MRTFA: variants seen among roughly 807,000 people sequenced by gnomAD.
MRTFA encodes the protein myocardin related transcription factor A, also known as myocardin-related transcription factor A.
MRTFA carries 20 observed loss-of-function variants against 83.5 expected under a neutral mutation model. The observed-to-expected ratio is 0.24, with a 90% CI of 0.17 to 0.35. The LOEUF is 0.35. Among genes scored for constraint, MRTFA ranks in the 10% least tolerant of loss-of-function variants. The probability of loss-of-function intolerance (pLI) is 1.00; values close to 1 mark genes in which losing one functional copy is unlikely to be tolerated. For synonymous variants in MRTFA, 659 were observed against 541.2 expected (o/e 1.22, Z -3.02); for missense variants, 1,200 against 1,224.7 (o/e 0.98, Z 0.30).
chr22:40,485,132 C>T (rs185588544), intron 3 of MRTFA, among the ~76,000 whole-genome samples: 11 of 152,092 alleles, frequency 7.2e-5, no homozygotes, highest in Admixed American at 1.3e-4. Context: ...ATACCACATA[C>T]CTCAATTTTC....
intron 14 of MRTFA, among the ~76,000 whole-genome samples, chr22:40,413,590 C>T (rs994579464): frequency 7.3e-5 from 11 of 151,224 alleles, no homozygotes; most frequent in East Asian, 1.9e-4. Flanking sequence ...TACAGGTGCC[C>T]GCCACCATGC....
intron 2 of MRTFA, among the ~76,000 whole-genome samples, chr22:40,580,939 G>GT (rs2055938393): frequency 6.6e-6 from 1 of 151,792 alleles, no homozygotes; most frequent in South Asian, 2.1e-4. Flanking sequence ...ATCATAACAG[G>GT]TATCACATTT....
rs543707352 is a variant in MRTFA at position 40,469,658 on chromosome 22, A to T, written c.242-6372T>A. 2.0e-5 allele frequency among the ~76,000 whole-genome samples: 3 copies of T among 152,336 alleles called. No homozygotes were observed. In the East Asian group the frequency reaches 5.8e-4, roughly 29 times the overall value. On this transcript the variant is annotated intron_variant, in intron 3 of 14. Coordinates refer to ENST00000355630, the MANE Select transcript of MRTFA (RefSeq NM_020831.6). Reference sequence around the variant, plus strand: ...GAACACTCCACCTAACAATGGCAGAATATACACTCTTTTCAAGCACACATG... The same window carrying T: ...GAACACTCCACCTAACAATGGCAGATTATACACTCTTTTCAAGCACACATG...
At chr22:40,533,523 G>A (rs2055118004) in intron 3 of MRTFA, 1 of 990,036 alleles carries the variant, frequency 1.0e-6, no homozygotes, top group African/African-American at 1.7e-5. Context: ...TTTTAAAGAA[G>A]CCTGTGGCAA....
At chr22:40,516,264 C>A (rs2054756388) in intron 3 of MRTFA, among the ~76,000 whole-genome samples, 1 of 151,458 alleles carries the variant, frequency 6.6e-6, no homozygotes, top group South Asian at 2.1e-4. Context: ...ACTAAAAATA[C>A]AAAAATTAGC....
intron 3 of MRTFA, among the ~76,000 whole-genome samples, chr22:40,515,686 G>C (rs977388979): frequency 2.2e-4 from 33 of 152,116 alleles, no homozygotes; most frequent in African/African-American, 7.5e-4. Context: ...AACAGCAGCA[G>C]GTAAAGTTGA....
chr22:40,417,686 C>A (rs2052715078), intron 12 of MRTFA, 193 bp from the exon 13 acceptor site: 1 of 578,756 alleles, frequency 1.7e-6, no homozygotes. Context: ...GGCCCTCAAC[C>A]CTGCAGGGGG....
chr22:40,619,660 C>T (rs991810518), intron 1 of MRTFA, among the ~76,000 whole-genome samples: 2 of 151,930 alleles, frequency 1.3e-5, no homozygotes, highest in Non-Finnish European at 2.9e-5. Flanking sequence ...GAGGCCGAGA[C>T]GGGCGGATCA....
chr22:40,515,248 A>G (rs765970664), intron 3 of MRTFA, among the ~76,000 whole-genome samples: 1 of 152,094 alleles, frequency 6.6e-6, no homozygotes, highest in Non-Finnish European at 1.5e-5. Flanking sequence ...TCATTAACAT[A>G]TGTTTACTCA....
chr22:40,593,001 C>G (rs1395239411), intron 2 of MRTFA, among the ~76,000 whole-genome samples: 1 of 152,084 alleles, frequency 6.6e-6, no homozygotes, highest in Non-Finnish European at 1.5e-5. Context: ...ATAAACAACC[C>G]CAATCCACAC....
intron 4 of MRTFA, among the ~76,000 whole-genome samples, chr22:40,437,837 C>T (rs1252792880): frequency 6.6e-6 from 1 of 151,650 alleles, no homozygotes; most frequent in Non-Finnish European, 1.5e-5. Flanking sequence ...ACATTTACAA[C>T]ATGTCCCCAT....
intron 1 of MRTFA, among the ~76,000 whole-genome samples, 170 bp downstream of exon 1, chr22:40,636,308 C>T (rs2056698695): frequency 6.6e-6 from 1 of 152,138 alleles, no homozygotes; most frequent in South Asian, 2.1e-4. Context: ...TCTGCGACTC[C>T]GGCCCCGAGG....
chr22:40,416,423 C>G lies in MRTFA; in HGVS notation c.2578+563G>C, dbSNP rs1201919144. On this transcript the variant is annotated intron_variant, in intron 14 of 14. Coordinates refer to ENST00000355630, the MANE Select transcript of MRTFA (RefSeq NM_020831.6). The surrounding 1 kb of genome is among the most constrained non-coding windows in gnomAD (Gnocchi z 4.2). Reference sequence around the variant, plus strand: ...CAGGCCTTTTCTGCTCAAGGCTGTGCGATGGCTTCCCACACAATGGAGCCA... The same window carrying G: ...CAGGCCTTTTCTGCTCAAGGCTGTGGGATGGCTTCCCACACAATGGAGCCA... 6.6e-6 allele frequency among the ~76,000 whole-genome samples: 1 copy of G among 152,212 alleles called. No individual in the cohort carries two copies. The highest frequency in any genetic ancestry group is 2.4e-5 in the African/African-American group (1 of 41,454).
chr22:40,522,302 C>G lies in MRTFA; in HGVS notation c.241+29804G>C, dbSNP rs555160898. 14 of 152,316 alleles carry G rather than the reference C, an allele frequency of 9.2e-5. No individual in the cohort carries two copies. In the East Asian group the frequency reaches 1.3e-3, roughly 15 times the overall value. The allele number at this position is 152,316 out of a possible 1,614,324, so 9.4% of individuals were successfully genotyped here. ...ACATAATCCTGCCATTTCAGTAGAA[C>G]AGAAAATCCCCACGCCTTCCCCTCA... On this transcript the variant is annotated intron_variant, in intron 3 of 14. Coordinates refer to ENST00000355630, the MANE Select transcript of MRTFA (RefSeq NM_020831.6).
At chr22:40,608,133 T>C (rs1401211012) in intron 1 of MRTFA, among the ~76,000 whole-genome samples, 1 of 152,186 alleles carries the variant, frequency 6.6e-6, no homozygotes, top group East Asian at 1.9e-4. Flanking sequence ...CAAGCGACTC[T>C]CCTGCCTCAG....
chr22:40,604,438 G>A (rs2056295895), intron 1 of MRTFA, among the ~76,000 whole-genome samples: 1 of 151,276 alleles, frequency 6.6e-6, no homozygotes, highest in African/African-American at 2.4e-5. Flanking sequence ...CCCTAAAACT[G>A]TTAGTTACCT....
intron 1 of MRTFA, among the ~76,000 whole-genome samples, chr22:40,599,089 G>C (rs1215926658): frequency 6.6e-6 from 1 of 151,654 alleles, no homozygotes; most frequent in Non-Finnish European, 1.5e-5. Flanking sequence ...CCTGAGGTTG[G>C]GAGTTCGAGA....
intron 2 of MRTFA, among the ~76,000 whole-genome samples, chr22:40,571,185 C>T (rs867389662): frequency 4.3e-4 from 65 of 151,462 alleles, no homozygotes; most frequent in African/African-American, 1.5e-3. Context: ...ATAGTATGGG[C>T]GACAGGAGTG....
At chr22:40,556,354 T>C (rs2055524452) in intron 2 of MRTFA, among the ~76,000 whole-genome samples, 2 of 152,184 alleles carry the variant, frequency 1.3e-5, no homozygotes, top group African/African-American at 4.8e-5. Context: ...AAAGCAATAG[T>C]GTGCCCAAAC....
Sources: gnomAD v4.1 joint callset for allele counts (sites outside exome capture counted in the v4.1 genomes callset) on GRCh38, gnomAD v4.1.1 for gene constraint, Gnocchi (gnomAD v3.1) non-coding constraint, MANE v1.5 for transcripts, NCBI Gene and HGNC (gene_info 2026-07-23, HGNC 2026-07-21) for gene names.